The following SOX6 variants were observed in gnomAD, a reference collection of about 807,000 sequenced individuals.
The protein encoded by SOX6 is transcription factor SOX-6.
A neutral mutation model predicts 97.8 loss-of-function variants in SOX6; 11 were observed. That is an observed-to-expected ratio of 0.11 (90% CI 0.07 to 0.19). The LOEUF (loss-of-function observed/expected upper bound fraction) is 0.19. SOX6 is among the 10% of genes least tolerant of loss of function. SOX6 has a pLI of 1.00. For synonymous variants in SOX6, 360 were observed against 371.4 expected (o/e 0.97, Z 0.35); for missense variants, 810 against 1,039.5 (o/e 0.78, Z 3.04).
intron 3 of SOX6, among the ~76,000 whole-genome samples, chr11:16,259,054 C>A (rs1262762032): frequency 6.6e-6 from 1 of 151,476 alleles, no homozygotes; most frequent in East Asian, 1.9e-4. Context: ...CATTCACAAA[C>A]AATTTGGTTG....
chr11:16,364,841 T>A (rs2134382907), intron 1 of SOX6, among the ~76,000 whole-genome samples: 1 of 152,212 alleles, frequency 6.6e-6, no homozygotes, highest in East Asian at 1.9e-4. Flanking sequence ...TAACTATAGA[T>A]ATGAATTCAG....
chr11:16,735,261 G>C (rs575450680), intron 2 of SOX6, among the ~76,000 whole-genome samples: 5 of 152,242 alleles, frequency 3.3e-5, no homozygotes, highest in African/African-American at 1.2e-4. Flanking sequence ...TTTTGTCTCA[G>C]AATACAATAC....
chr11:16,238,107 C>T (rs1853079137), intron 3 of SOX6, among the ~76,000 whole-genome samples: 3 of 151,844 alleles, frequency 2.0e-5, no homozygotes, highest in African/African-American at 7.2e-5. Flanking sequence ...CAATGAAATG[C>T]AGGACTTTAT....
intron 13 of SOX6, among the ~76,000 whole-genome samples, chr11:16,009,859 C>G (rs911799966): frequency 1.6e-4 from 25 of 151,930 alleles, no homozygotes; most frequent in African/African-American, 5.8e-4. Flanking sequence ...CCTCTGCTGC[C>G]TTGAATGAGT....
At chr11:16,498,554 C>G (rs1373713490) in intron 4 of SOX6, among the ~76,000 whole-genome samples, 1 of 152,078 alleles carries the variant, frequency 6.6e-6, no homozygotes, top group African/African-American at 2.4e-5. Flanking sequence ...GTGCTGTATT[C>G]AGGAAACCCA....
chr11:16,416,866 C>A (rs920957999), intron 1 of SOX6, among the ~76,000 whole-genome samples: 1 of 152,138 alleles, frequency 6.6e-6, no homozygotes, highest in Non-Finnish European at 1.5e-5. Context: ...TAAATGTCAA[C>A]TAGTAATTGG....
At chr11:16,044,000 T>C (rs77380072) in intron 12 of SOX6, among the ~76,000 whole-genome samples, 2,590 of 152,264 alleles carry the variant, frequency 0.017, 85 homozygotes, top group African/African-American at 0.059. Context: ...GAGACCCTAG[T>C]TGAGACTGCA....
intron 9 of SOX6, among the ~76,000 whole-genome samples, chr11:16,079,820 G>A (rs1399189359): frequency 1.3e-5 from 2 of 149,656 alleles, no homozygotes; most frequent in Admixed American, 6.6e-5. Context: ...ACATTTTGCA[G>A]CACGTAAATA....
intron 6 of SOX6, 48 bp from the exon 7 acceptor site, chr11:16,111,971 C>A (rs1339216808): frequency 6.2e-7 from 1 of 1,610,004 alleles, no homozygotes; most frequent in Non-Finnish European, 8.5e-7. Context: ...CAAATGTATG[C>A]CAAGAAGAAT....
chr11:16,460,578 T>C (rs1265023783), intron 1 of SOX6, among the ~76,000 whole-genome samples: 1 of 152,142 alleles, frequency 6.6e-6, no homozygotes, highest in Non-Finnish European at 1.5e-5. Flanking sequence ...CTTATGACTA[T>C]GTTCTCCTGC....
At chr11:16,252,589 G>A (rs902374910) in intron 3 of SOX6, 1 of 152,246 alleles carries the variant, frequency 6.6e-6, no homozygotes, top group Non-Finnish European at 1.5e-5. Context: ...GAAAATTCCC[G>A]TGTGATTCCA....
intron 4 of SOX6, among the ~76,000 whole-genome samples, chr11:16,199,182 A>T (rs2134124564): frequency 6.6e-6 from 1 of 152,354 alleles, no homozygotes; most frequent in South Asian, 2.1e-4. Context: ...AGTTAATTCT[A>T]GTTTGGTAAC....
chr11:16,460,553 A>G (rs1263569228), intron 1 of SOX6, among the ~76,000 whole-genome samples: 3 of 152,038 alleles, frequency 2.0e-5, no homozygotes, highest in African/African-American at 7.2e-5. Context: ...TTTTATTTCA[A>G]TAAGTCTTTT....
At chr11:16,114,270 T>A (rs568859608) in intron 6 of SOX6, among the ~76,000 whole-genome samples, 35 of 152,292 alleles carry the variant, frequency 2.3e-4, no homozygotes, top group Non-Finnish European at 4.1e-4. Flanking sequence ...CTAAAGGCCT[T>A]GTTGGCAAAA....
chr11:16,562,826 C>T (rs1847830805), intron 4 of SOX6, among the ~76,000 whole-genome samples: 1 of 152,118 alleles, frequency 6.6e-6, no homozygotes. Flanking sequence ...GTGAAGACCA[C>T]ATGGGGAGCT....
intron 4 of SOX6, among the ~76,000 whole-genome samples, chr11:16,587,318 C>G (rs1222238437): frequency 2.0e-5 from 3 of 152,112 alleles, no homozygotes; most frequent in Non-Finnish European, 2.9e-5. Flanking sequence ...AGTTCCTTTC[C>G]TATAAAACTA....
upstream of SOX6, among the ~76,000 whole-genome samples, chr11:16,480,855 T>C (rs1860330812): frequency 6.6e-6 from 1 of 152,144 alleles, no homozygotes; most frequent in Non-Finnish European, 1.5e-5. Context: ...AAGTCAAGAA[T>C]TAAATAACTT....
intron 12 of SOX6, among the ~76,000 whole-genome samples, chr11:16,037,552 T>C (rs1855551175): frequency 6.6e-6 from 1 of 152,186 alleles, no homozygotes; most frequent in South Asian, 2.1e-4. Flanking sequence ...TAATCCTGAG[T>C]ACCTGGCTTA....
In SOX6 at chr11:15,969,591, C is replaced by T. The variant is rs528203150; in HGVS notation, c.*3218G>A. 1 of 152,086 alleles carries T rather than the reference C, an allele frequency of 6.6e-6. No homozygotes were observed. Among genetic ancestry groups the T allele is most frequent in the Admixed American group, 6.5e-5 (1 of 15,270 alleles). The allele number at this position is 152,086 out of a possible 1,614,324, so 9.4% of individuals were successfully genotyped here. ...CTCACTACCCCGAGAGGCACAGTGACTCATCAACTTTCAGTTTGGACCAAC... is the reference window on the plus strand; with the variant it reads ...CTCACTACCCCGAGAGGCACAGTGATTCATCAACTTTCAGTTTGGACCAAC... On this transcript the variant is annotated 3_prime_UTR_variant, in exon 16 of 16. Transcript: ENST00000683767.
Sources: gnomAD v4.1 joint callset for allele counts (sites outside exome capture counted in the v4.1 genomes callset) on GRCh38, gnomAD v4.1.1 for gene constraint, MANE v1.5 for transcripts, NCBI Gene and HGNC (gene_info 2026-07-23, HGNC 2026-07-21) for gene names.